TSHR: variants seen among roughly 807,000 people sequenced by gnomAD.
TSHR encodes thyroid stimulating hormone receptor, also known as thyrotropin receptor.
In TSHR, 51 loss-of-function variants were observed where a neutral mutation model predicts 64.1. The observed-to-expected ratio is 0.80, with a 90% CI of 0.64 to 1.01. The LOEUF is 1.01. TSHR is among the 50% of genes least tolerant of loss of function. The pLI, the probability that TSHR is intolerant of heterozygous loss-of-function variation, is 0.00. For synonymous variants in TSHR, 361 were observed against 361.9 expected (o/e 1.00, Z 0.03); for missense variants, 877 against 942.8 (o/e 0.93, Z 0.91).
intron 1 of TSHR, chr14:81,012,187 G>A (rs963943416): frequency 2.1e-3 from 323 of 151,164 alleles, no homozygotes; most frequent in African/African-American, 6.8e-3. Flanking sequence ...GAGAATATGC[G>A]GTGTTTGGTT....
intron 3 of TSHR, among the ~76,000 whole-genome samples, chr14:81,069,566 G>T (rs912980081): frequency 1.1e-4 from 17 of 152,156 alleles, no homozygotes; most frequent in African/African-American, 1.9e-4. Flanking sequence ...GTAAGCAAAA[G>T]CTTAAGGGCT....
At chr14:81,081,435 C>T (rs778930073) in intron 3 of TSHR, among the ~76,000 whole-genome samples, 6 of 152,122 alleles carry the variant, frequency 3.9e-5, no homozygotes, top group Middle Eastern at 6.8e-3. Flanking sequence ...GCAGAGCTTC[C>T]GCCCCCTCCC....
intron 1 of TSHR, among the ~76,000 whole-genome samples, chr14:81,040,469 C>T (rs896912788): frequency 6.6e-6 from 1 of 151,884 alleles, no homozygotes; most frequent in Non-Finnish European, 1.5e-5. Flanking sequence ...AATGGGATTA[C>T]ATCAAACTAA....
In TSHR at chr14:81,130,853, C is replaced by T. The variant is rs1392463791; in HGVS notation, c.693-8826C>T. On this transcript the variant is annotated intron_variant, in intron 8 of 9. Coordinates refer to ENST00000298171, the MANE Select transcript of TSHR (RefSeq NM_000369.5). ...AAAAATACAAAAAATTAGCCGGGCG[C>T]GGTGGCGGGTGCCTGTAGTCCCAGC... Among the ~76,000 whole-genome samples, 6 of 128,810 alleles carry T rather than the reference C, an allele frequency of 4.7e-5. 1 individual carries two copies. The highest frequency in any genetic ancestry group is 7.7e-5 in the Non-Finnish European group (5 of 65,102). The allele number at this position is 128,810 out of a possible 152,430, so 84.5% of individuals were successfully genotyped here. A position where few individuals can be genotyped will look rare whatever the true frequency, so the allele number is the denominator to read the frequency against.
At chr14:81,115,142 C>T (rs1390778016) in intron 8 of TSHR, among the ~76,000 whole-genome samples, 34 of 151,622 alleles carry the variant, frequency 2.2e-4, no homozygotes, top group East Asian at 7.8e-4. Flanking sequence ...TCCAAAGGAA[C>T]GCAGTTCCTC....
intron 1 of TSHR, among the ~76,000 whole-genome samples, chr14:81,029,908 A>C (rs1038500271): frequency 2.0e-5 from 3 of 152,170 alleles, no homozygotes; most frequent in African/African-American, 7.2e-5. Flanking sequence ...AAAATAATTT[A>C]TATTGTGTAA....
intron 8 of TSHR, chr14:81,108,675 A>T (rs754426818): frequency 1.5e-5 from 24 of 1,613,912 alleles, no homozygotes; most frequent in Non-Finnish European, 4.2e-6. Context: ...CCAGTATGCC[A>T]TCATGATGCC....
Position 81,109,276 on chromosome 14 carries a change from G to T in TSHR, c.692+824G>T, listed in dbSNP as rs1018193837. On this transcript the variant is annotated intron_variant, in intron 8 of 9. Transcript: ENST00000298171. The stretch of plus-strand genomic sequence containing the variant: ...TACAAAAAATTAGCTGGGCGTAGTG[G>T]CGGGTGCCTGTAGTCCCAGCTACTT... 1.7e-4 allele frequency among the ~76,000 whole-genome samples: 26 copies of T among 152,008 alleles called. 1 individual carries two copies. The highest frequency in any genetic ancestry group is 1.4e-3 in the Admixed American group (22 of 15,272).
intron 1 of TSHR, among the ~76,000 whole-genome samples, chr14:81,006,490 T>C (rs1889610614): frequency 6.6e-6 from 1 of 152,074 alleles, no homozygotes; most frequent in African/African-American, 2.4e-5. Context: ...AAACTACCTC[T>C]TTCAGGGCCC....
At chr14:80,963,924 C>G (rs1180972418) in intron 1 of TSHR, among the ~76,000 whole-genome samples, 1 of 152,228 alleles carries the variant, frequency 6.6e-6, no homozygotes, top group Non-Finnish European at 1.5e-5. Context: ...TAGTTAATAG[C>G]ATTCCTTTCA....
At position 80,991,345 on chromosome 14, in the gene TSHR, CA is replaced by C. The variant is rs1296541745; in HGVS notation, c.170+35497del. Among the ~76,000 whole-genome samples the C allele has an allele frequency of 1.8e-3, 270 of 152,252 alleles. 3 individuals are homozygous for C. The highest frequency in any genetic ancestry group is 6.2e-3 in the African/African-American group (256 of 41,548). ...AAGCCTTGAAAACTTGGACACCCTT[CA>C]AGAGCCTCTGAATATTTTTCTTCAG... is the stretch of plus-strand genomic sequence containing the variant. On this transcript the variant is annotated intron_variant, in intron 1 of 9. Transcript: ENST00000298171.
chr14:80,969,830 C>CA (rs1168012999), intron 1 of TSHR, among the ~76,000 whole-genome samples: 2 of 152,230 alleles, frequency 1.3e-5, no homozygotes, highest in Non-Finnish European at 2.9e-5. Flanking sequence ...TTCCCACCCC[C>CA]ATAGATATAG....
chr14:81,049,088 A>G (rs1038979579), intron 1 of TSHR, among the ~76,000 whole-genome samples: 1 of 152,170 alleles, frequency 6.6e-6, no homozygotes, highest in Admixed American at 6.5e-5. Flanking sequence ...CCTAACCAGG[A>G]CATTAAGTGA....
intron 1 of TSHR, among the ~76,000 whole-genome samples, chr14:81,055,368 AT>A (rs1885711416): frequency 1.3e-5 from 2 of 152,216 alleles, no homozygotes; most frequent in Admixed American, 6.5e-5. Context: ...CAGAAGGGAA[AT>A]TTGGGGTGGG....
intron 8 of TSHR, among the ~76,000 whole-genome samples, chr14:81,111,573 CT>C (rs1890226193): frequency 6.6e-6 from 1 of 152,222 alleles, no homozygotes. Context: ...TTTTACACTA[CT>C]TTACGCCTCT....
intron 1 of TSHR, among the ~76,000 whole-genome samples, chr14:80,962,645 C>G (rs1887094827): frequency 6.6e-6 from 1 of 152,154 alleles, no homozygotes; most frequent in South Asian, 2.1e-4. Flanking sequence ...AATGAAGAAC[C>G]TGGTAAGATA....
intron 1 of TSHR, among the ~76,000 whole-genome samples, chr14:80,987,595 C>T (rs927589849): frequency 1.2e-4 from 18 of 152,202 alleles, no homozygotes; most frequent in African/African-American, 4.3e-4. Context: ...GGTCACGCAG[C>T]TCTGAAAGCT....
At chr14:80,991,594 T>C in intron 1 of TSHR, 1 of 398,524 alleles carries the variant, frequency 2.5e-6, no homozygotes, top group Admixed American at 4.4e-5. Flanking sequence ...AAATTCAACA[T>C]TGAAGGAGAC....
chr14:81,043,457 C>T (rs1476462042), intron 1 of TSHR, among the ~76,000 whole-genome samples: 1 of 152,154 alleles, frequency 6.6e-6, no homozygotes, highest in Non-Finnish European at 1.5e-5. Flanking sequence ...AATGGAAAAA[C>T]ATTCCATGCT....
Sources: gnomAD v4.1 joint callset for allele counts (sites outside exome capture counted in the v4.1 genomes callset) on GRCh38, gnomAD v4.1.1 for gene constraint, MANE v1.5 for transcripts, NCBI Gene and HGNC (gene_info 2026-07-23, HGNC 2026-07-21) for gene names.